The following CADM2 variants were observed in gnomAD, a reference collection of about 807,000 sequenced individuals.
CADM2 encodes the protein cell adhesion molecule 2.
In CADM2, 12 loss-of-function variants were observed where a neutral mutation model predicts 49.8. That is an observed-to-expected ratio of 0.24 (90% confidence interval 0.15 to 0.39). CADM2 has a LOEUF of 0.39. CADM2 is among the 10% of genes least tolerant of loss of function. The pLI is 1.00. For missense variants in CADM2, 378 were observed against 492.3 expected (o/e 0.77, Z 2.20); for synonymous variants, 214 against 175.4 (o/e 1.22, Z -1.74).
intron 5 of CADM2, among the ~76,000 whole-genome samples, chr3:85,896,536 G>C (rs1715236077): frequency 6.6e-6 from 1 of 152,164 alleles, no homozygotes; most frequent in African/African-American, 2.4e-5. Context: ...ATTATGCTGT[G>C]TACACCTGGT....
chr3:85,172,537 C>T (rs114817401), intron 1 of CADM2, among the ~76,000 whole-genome samples: 264 of 152,192 alleles, frequency 1.7e-3, no homozygotes, highest in African/African-American at 5.9e-3. Context: ...GCTTCCTCCT[C>T]TAGCTAGGGC....
intron 1 of CADM2, among the ~76,000 whole-genome samples, chr3:84,999,603 G>T (rs2033354314): frequency 6.6e-6 from 1 of 152,094 alleles, no homozygotes; most frequent in Non-Finnish European, 1.5e-5. Flanking sequence ...AAGGACACTT[G>T]TTTACAGTAT....
intron 1 of CADM2, among the ~76,000 whole-genome samples, chr3:85,009,626 G>A (rs1047797800): frequency 6.6e-6 from 1 of 152,060 alleles, no homozygotes; most frequent in Non-Finnish European, 1.5e-5. Flanking sequence ...AGCACTTTGG[G>A]AAGCCAAGGC....
chr3:85,144,337 G>A (rs571305543), intron 1 of CADM2, among the ~76,000 whole-genome samples: 5 of 151,882 alleles, frequency 3.3e-5, no homozygotes, highest in Non-Finnish European at 7.4e-5. Context: ...TGTGCTGGGC[G>A]CGATGGCTCA....
intron 1 of CADM2, among the ~76,000 whole-genome samples, chr3:85,025,767 T>C (rs531840059): frequency 6.6e-6 from 1 of 152,178 alleles, no homozygotes; most frequent in East Asian, 1.9e-4. Flanking sequence ...ACGGAGTTTA[T>C]ATTAAACAAA....
chr3:85,094,411 A>T (rs1446396164), intron 1 of CADM2, among the ~76,000 whole-genome samples: 2 of 152,154 alleles, frequency 1.3e-5, no homozygotes, highest in African/African-American at 4.8e-5. Context: ...ATTTATTCAT[A>T]TACATGCATG....
chr3:85,250,379 A>T (rs1212710766), intron 1 of CADM2, among the ~76,000 whole-genome samples: 1 of 151,676 alleles, frequency 6.6e-6, no homozygotes. Flanking sequence ...GCAGCCAGTA[A>T]ATACCTATTA....
At chr3:86,010,957 A>G (rs1016841511) in intron 8 of CADM2, among the ~76,000 whole-genome samples, 3 of 151,324 alleles carry the variant, frequency 2.0e-5, no homozygotes, top group Admixed American at 1.3e-4. Flanking sequence ...TAAAAATATA[A>G]GTTATAAAAA....
At chr3:85,662,786 T>C (rs1274284542) in intron 1 of CADM2, among the ~76,000 whole-genome samples, 1 of 152,052 alleles carries the variant, frequency 6.6e-6, no homozygotes, top group East Asian at 1.9e-4. Flanking sequence ...ATATTAAATA[T>C]AGCACTTACC....
intron 1 of CADM2, among the ~76,000 whole-genome samples, chr3:85,521,830 A>G (rs1442145409): frequency 1.3e-5 from 2 of 151,738 alleles, no homozygotes; most frequent in Non-Finnish European, 2.9e-5. Context: ...CATAGAAAGC[A>G]CTTTTTGTGT....
rs72911119 is a variant in CADM2 at position 85,204,419 on chromosome 3, C to T, written c.61+244751C>T. ...AGGCCCTACTTTAGATCATTTCTTC[C>T]TGTAATTTTGGCAGTGACCTCCTAT... is the stretch of plus-strand genomic sequence containing the variant. On this transcript the variant is annotated intron_variant, in intron 1 of 9. Transcript: ENST00000383699. 6.3e-3 allele frequency among the ~76,000 whole-genome samples: 958 copies of T among 152,178 alleles called. 12 individuals are homozygous for T. Among genetic ancestry groups the T allele is most frequent in the African/African-American group, 0.022 (894 of 41,526 alleles).
chr3:85,552,778 G>A (rs1222735830), intron 1 of CADM2, among the ~76,000 whole-genome samples: 1 of 152,040 alleles, frequency 6.6e-6, no homozygotes, highest in African/African-American at 2.4e-5. Flanking sequence ...CCGGGTTCAA[G>A]TGATTTTCCT....
intron 1 of CADM2, among the ~76,000 whole-genome samples, chr3:85,708,061 G>T (rs900857197): frequency 2.6e-5 from 4 of 152,168 alleles, no homozygotes; most frequent in African/African-American, 9.7e-5. Context: ...TCAGAGAATT[G>T]ACTAAGCGTA....
chr3:85,401,639 T>C (rs2035115281), intron 1 of CADM2, among the ~76,000 whole-genome samples: 1 of 152,174 alleles, frequency 6.6e-6, no homozygotes, highest in South Asian at 2.1e-4. Flanking sequence ...CAATCGATTT[T>C]CCCTCATTTC....
intron 1 of CADM2, among the ~76,000 whole-genome samples, chr3:85,109,906 G>C (rs1382957799): frequency 6.6e-6 from 1 of 151,806 alleles, no homozygotes; most frequent in Non-Finnish European, 1.5e-5. Context: ...TGAAATTTTT[G>C]ATGTTGTGTC....
At chr3:85,113,188 G>T (rs966968076) in intron 1 of CADM2, among the ~76,000 whole-genome samples, 3 of 152,020 alleles carry the variant, frequency 2.0e-5, no homozygotes, top group Non-Finnish European at 4.4e-5. Context: ...CTTTGTTACA[G>T]ACATCATGCC....
chr3:85,494,238 C>T lies in CADM2; in HGVS notation c.62-232284C>T, dbSNP rs551967843. On this transcript the variant is annotated intron_variant, in intron 1 of 9. Transcript: ENST00000383699. Reference sequence around the variant, plus strand: ...TTAAGTAAAATTTAACTTCTAGTTTCCCAATTTTAAATTTCAGGGAAAAGA... The same window carrying T: ...TTAAGTAAAATTTAACTTCTAGTTTTCCAATTTTAAATTTCAGGGAAAAGA... Among the ~76,000 whole-genome samples, 30 of 152,098 alleles carry T rather than the reference C, an allele frequency of 2.0e-4. 1 individual carries two copies. In the South Asian group the frequency reaches 6.0e-3, roughly 31 times the overall value.
intron 1 of CADM2, among the ~76,000 whole-genome samples, chr3:85,200,418 G>C (rs988610218): frequency 2.0e-5 from 3 of 152,034 alleles, no homozygotes; most frequent in African/African-American, 7.2e-5. Flanking sequence ...GGAGTTCTCA[G>C]TTTGGTGGCG....
intron 2 of CADM2, among the ~76,000 whole-genome samples, chr3:85,798,209 T>G (rs2071745729): frequency 6.6e-6 from 1 of 152,096 alleles, no homozygotes; most frequent in African/African-American, 2.4e-5. Flanking sequence ...TTTCTCCCAT[T>G]CCTTAGGTTG....
Sources: gnomAD v4.1 joint callset for allele counts (sites outside exome capture counted in the v4.1 genomes callset) on GRCh38, gnomAD v4.1.1 for gene constraint, MANE v1.5 for transcripts, NCBI Gene and HGNC (gene_info 2026-07-23, HGNC 2026-07-21) for gene names.